Variants in SLC30A5 observed in about 807,000 individuals in gnomAD.
SLC30A5 encodes the protein proton-coupled zinc antiporter SLC30A5.
In SLC30A5, 33 loss-of-function variants were observed where a neutral mutation model predicts 79.6. The observed-to-expected ratio is 0.41, with a 90% CI of 0.31 to 0.55. The LOEUF is 0.55. SLC30A5 is among the 20% of genes least tolerant of loss of function. The pLI, the probability that SLC30A5 is intolerant of heterozygous loss-of-function variation, is 0.20. For missense variants in SLC30A5, 788 were observed against 928.1 expected (o/e 0.85, Z 1.96); for synonymous variants, 299 against 319.7 (o/e 0.94, Z 0.69).
At chr5:69,095,849 CA>C (rs1444730899) in intron 1 of SLC30A5, among the ~76,000 whole-genome samples, 1 of 151,164 alleles carries the variant, frequency 6.6e-6, no homozygotes, top group African/African-American at 2.4e-5. Context: ...CATCTGAGGT[CA>C]GGGGTTCGAG....
chr5:69,095,240 T>TG (rs58681130), intron 1 of SLC30A5, among the ~76,000 whole-genome samples: 73,137 of 142,964 alleles, frequency 0.51, 19,304 homozygotes, highest in African/African-American at 0.61. Context: ...TCGCTCTTGT[T>TG]CCCAGGCTGG....
chr5:69,115,798 A>G (rs1416460427), intron 8 of SLC30A5, 128 bp from the exon 9 acceptor site: 2 of 796,042 alleles, frequency 2.5e-6, no homozygotes, highest in Non-Finnish European at 4.0e-6. Flanking sequence ...TAGCTTTTAT[A>G]TGTTGGCATA....
At chr5:69,095,531 C>T (rs754839246) in intron 1 of SLC30A5, among the ~76,000 whole-genome samples, 4 of 152,008 alleles carry the variant, frequency 2.6e-5, no homozygotes, top group Admixed American at 6.6e-5. Context: ...AAGGGAAGAA[C>T]ACCACATAGG....
In SLC30A5 at chr5:69,123,183, T is replaced by C. The variant is rs570290502; in HGVS notation, c.1772-16T>C. The C allele has an allele frequency of 6.5e-7, 1 of 1,548,900 alleles. No homozygotes were observed. The highest frequency in any genetic ancestry group is 2.3e-5 in the East Asian group (1 of 44,370). ...TGTGCCTTAATTTTTAATGTCCTTATATATTTTATTTGTAGGTGTATTTCT... is the reference window on the plus strand; with the variant it reads ...TGTGCCTTAATTTTTAATGTCCTTACATATTTTATTTGTAGGTGTATTTCT... On this transcript the variant is annotated splice_polypyrimidine_tract_variant and intron_variant, in intron 13 of 15. Transcript: ENST00000396591.
chr5:69,121,699 C>T lies in SLC30A5; in HGVS notation c.1575C>T (p.Val525=). The change falls in exon 13 of 16, where the codon GTC becomes GTT. Residue 525 remains valine (V), a synonymous_variant. Transcript: ENST00000396591. ...PELDTHMLTP[V]SVGGLIVNLI... is the part of the protein sequence containing the mutation. Reference sequence around the variant, plus strand: ...TTTTTTCTCCCTTTTGCTAGCCAGTCTCAGTTGGAGGGCTGATAGTAAACC... The same window carrying T: ...TTTTTTCTCCCTTTTGCTAGCCAGTTTCAGTTGGAGGGCTGATAGTAAACC... The T allele has an allele frequency of 6.3e-7, 1 of 1,598,494 alleles. No homozygotes were observed.
intron 15 of SLC30A5, 107 bp from the exon 16 acceptor site, chr5:69,129,340 T>C (rs1746787061): frequency 1.3e-6 from 1 of 790,696 alleles, no homozygotes; most frequent in Non-Finnish European, 1.9e-6. Flanking sequence ...ATTTCGTATT[T>C]TCAGATTAAA....
intron 5 of SLC30A5, among the ~76,000 whole-genome samples, chr5:69,109,312 T>C (rs1746168044): frequency 6.6e-6 from 1 of 151,532 alleles, no homozygotes. Flanking sequence ...ACCCCATAAA[T>C]ACATATACCT....
chr5:69,100,875 A>G lies in SLC30A5; in HGVS notation c.152A>G (p.Tyr51Cys). ...FLKAVGLFES[Y>C]DLLKAVHIVQ... The stretch of plus-strand genomic sequence containing the variant: ...AAGGCTGTGGGACTTTTCGAATCAT[A>G]TGATCTCCTAAAAGCTGTTCACATT... Residue 51 changes from tyrosine to cysteine, a missense_variant, in exon 2 of 16, where the codon TAT (tyrosine) becomes TGT (cysteine). Coordinates refer to ENST00000396591, the MANE Select transcript of SLC30A5 (RefSeq NM_022902.5). 1 of 1,608,236 alleles carries G rather than the reference A, an allele frequency of 6.2e-7. No individual in the cohort carries two copies. Among genetic ancestry groups the G allele is most frequent in the South Asian group, 1.1e-5 (1 of 90,924 alleles).
In SLC30A5 at chr5:69,104,819, T is replaced by G. The variant is rs1746040444; in HGVS notation, c.359+103T>G. 1.0e-5 allele frequency: 12 copies of G among 1,172,948 alleles called. No individual in the cohort carries two copies. In the South Asian group the frequency reaches 1.8e-4, roughly 17 times the overall value. 72.7% of individuals were successfully genotyped at this position (1,172,948 alleles called of 1,614,324 possible). On this transcript the variant is annotated intron_variant, in intron 4 of 15. Transcript: ENST00000396591. ...CGTCAAATATTTATCTGTACAAATG[T>G]GTCTAGCACTTTTATAGCATCAGAG... is the stretch of plus-strand genomic sequence containing the variant.
chr5:69,110,683 G>C (rs1746207053), intron 5 of SLC30A5, among the ~76,000 whole-genome samples: 1 of 152,124 alleles, frequency 6.6e-6, no homozygotes, highest in Non-Finnish European at 1.5e-5. Context: ...CACTATATTT[G>C]GCTTCATAAT....
At position 69,116,128 on chromosome 5, in the gene SLC30A5, G is replaced by C. The variant is rs143418810; in HGVS notation, c.986G>C (p.Arg329Pro). Residue 329 changes from arginine (R) to proline (P), a missense_variant, in exon 9 of 16, where the codon CGG becomes CCG. This residue lies in a region of SLC30A5 where 626 missense variants were observed against 755.5 expected (regional missense o/e 0.83). Transcript: ENST00000396591. The surrounding 1 kb of genome is among the most constrained non-coding windows in gnomAD (Gnocchi z 4.0). ...ACACATCCAATAACAGACCAGCTTC[G>C]GGCTATGAACAAAGCAGCACACCAG... ...FWTHPITDQLRAMNKAAHQES... is the reference protein window; with the variant it reads ...FWTHPITDQLPAMNKAAHQES... 4 of 1,614,028 alleles carry C rather than the reference G, an allele frequency of 2.5e-6. No homozygotes were observed. The highest frequency in any genetic ancestry group is 3.4e-6 in the Non-Finnish European group (4 of 1,180,004).
Position 69,118,493 on chromosome 5 carries a change from T to G in SLC30A5, c.1440-6T>G. ...TCCTTTTCTGAAAAATGTTCTATGT[T>G]TTTAGGTACGGCCGAATAGAAATTC... is the stretch of plus-strand genomic sequence containing the variant. On this transcript the variant is annotated splice_region_variant and splice_polypyrimidine_tract_variant and intron_variant, in intron 11 of 15. Coordinates refer to ENST00000396591, the MANE Select transcript of SLC30A5 (RefSeq NM_022902.5). 6.3e-7 allele frequency: 1 copy of G among 1,594,026 alleles called. No individual in the cohort carries two copies. The highest frequency in any genetic ancestry group is 8.5e-7 in the Non-Finnish European group (1 of 1,172,372).
In SLC30A5 at chr5:69,117,414, C is replaced by T. The variant is rs1188010853; in HGVS notation, c.1439+18C>T. The T allele has an allele frequency of 1.8e-5, 29 of 1,609,334 alleles. No homozygotes were observed. Among genetic ancestry groups the T allele is most frequent in the Middle Eastern group, 1.7e-4 (1 of 6,042 alleles). ...TCCTATGGGTAGGTACATTGACTGT[C>T]GAGGTGGTATATCTTAAGTGCAAAT... On this transcript the variant is annotated intron_variant, in intron 11 of 15. Transcript: ENST00000396591.
At chr5:69,107,967 G>A (rs1182516661) in intron 4 of SLC30A5, among the ~76,000 whole-genome samples, 7 of 152,070 alleles carry the variant, frequency 4.6e-5, no homozygotes, top group African/African-American at 7.2e-5. Flanking sequence ...TTTTGACCTC[G>A]TGATCCCCCT....
Position 69,121,629 on chromosome 5 carries a change from A to C in SLC30A5, c.1570-65A>C. 3 of 1,148,384 alleles carry C rather than the reference A, an allele frequency of 2.6e-6. No individual in the cohort carries two copies. The Admixed American group carries it at 7.9e-5, about 30-fold the overall frequency. 71.1% of individuals were successfully genotyped at this position (1,148,384 alleles called of 1,614,324 possible). The stretch of plus-strand genomic sequence containing the variant: ...GAAAAACATATATAGCTATATAATA[A>C]CTTTTAAATAACAAGTCTATTTTTA... On this transcript the variant is annotated intron_variant, in intron 12 of 15. Coordinates refer to ENST00000396591, the MANE Select transcript of SLC30A5 (RefSeq NM_022902.5).
chr5:69,126,810 A>AT (rs1554054424), intron 14 of SLC30A5, among the ~76,000 whole-genome samples: 21 of 148,904 alleles, frequency 1.4e-4, no homozygotes, highest in South Asian at 2.1e-4. Flanking sequence ...ACAACAACAA[A>AT]ATATATATAT....
At chr5:69,103,895 C>A in intron 3 of SLC30A5, 1 of 1,227,774 alleles carries the variant, frequency 8.1e-7, no homozygotes, top group Non-Finnish European at 1.1e-6. Context: ...GTTTCAGAGA[C>A]CAAGAACATT....
Position 69,123,200 on chromosome 5 carries a change from T to C in SLC30A5, c.1773T>C (p.Gly591=), listed in dbSNP as rs113345340. ...TGTCCTTATATATTTTATTTGTAGG[T>C]GTATTTCTACATGTTTTGGCAGATA... is the stretch of plus-strand genomic sequence containing the variant. The part of the protein sequence containing the change: ...AGGGMNANMR[G]VFLHVLADTL... The change falls in exon 14 of 16, where the codon GGT becomes GGC. Residue 591 remains glycine (G), a splice_region_variant and synonymous_variant. Coordinates refer to ENST00000396591, the MANE Select transcript of SLC30A5 (RefSeq NM_022902.5). The C allele has an allele frequency of 1.3e-6, 2 of 1,587,912 alleles. No homozygotes were observed. The highest frequency in any genetic ancestry group is 2.7e-5 in the African/African-American group (2 of 74,000).
chr5:69,105,633 G>A (rs763830892), intron 4 of SLC30A5, among the ~76,000 whole-genome samples: 2 of 152,028 alleles, frequency 1.3e-5, no homozygotes, highest in Non-Finnish European at 2.9e-5. Context: ...ACTGCAGGCT[G>A]GGCAACAGAG....
Sources: allele counts gnomAD v4.1 joint callset (sites outside exome capture counted in the v4.1 genomes callset), GRCh38; gene constraint gnomAD v4.1.1; regional missense constraint gnomAD v4.1.1; non-coding constraint Gnocchi (gnomAD v3.1); transcripts MANE v1.5; gene names NCBI Gene and HGNC (gene_info 2026-07-23, HGNC 2026-07-21).